The following EPHB1 variants were observed in gnomAD, a reference collection of about 807,000 sequenced individuals.
EPHB1 encodes EPH receptor B1.
Under a neutral mutation model 94.4 loss-of-function variants are expected in EPHB1, and 30 were observed. The observed-to-expected ratio is 0.32, with a 90% confidence interval of 0.24 to 0.43. The LOEUF is 0.43. Ranked by LOEUF, EPHB1 falls within the 20% of genes least tolerant of loss-of-function variation. EPHB1 has a pLI of 1.00. For missense variants in EPHB1, 1,055 were observed against 1,308.3 expected (o/e 0.81, Z 2.99); for synonymous variants, 522 against 489.1 (o/e 1.07, Z -0.89).
intron 1 of EPHB1, among the ~76,000 whole-genome samples, chr3:134,872,110 T>A (rs957696922): frequency 6.6e-6 from 1 of 152,228 alleles, no homozygotes; most frequent in African/African-American, 2.4e-5. Flanking sequence ...GTTTTCCCTC[T>A]GGTACATTCT....
intron 1 of EPHB1, among the ~76,000 whole-genome samples, chr3:134,815,882 C>G (rs969177068): frequency 2.0e-5 from 3 of 152,132 alleles, no homozygotes; most frequent in African/African-American, 7.2e-5. Flanking sequence ...TGCCACAGCC[C>G]CTGCCCCTAG....
intron 1 of EPHB1, among the ~76,000 whole-genome samples, chr3:134,813,836 A>C (rs2036219102): frequency 6.6e-6 from 1 of 152,236 alleles, no homozygotes; most frequent in Admixed American, 6.5e-5. Flanking sequence ...ACACATGACA[A>C]GGATGCAAAG....
In EPHB1 at chr3:134,955,376, C is replaced by T. The variant is rs1368513776; in HGVS notation, c.805+3324C>T. ...TGCGGTGTTTGGTTTTTTGTTCTTG[C>T]GATAGTTTACTGAGAATGATGGTTT... is the stretch of plus-strand genomic sequence containing the variant. On this transcript the variant is annotated intron_variant, in intron 3 of 15. Coordinates refer to ENST00000398015, the MANE Select transcript of EPHB1 (RefSeq NM_004441.5). 6.5e-4 allele frequency among the ~76,000 whole-genome samples: 41 copies of T among 62,720 alleles called. 1 individual carries two copies. Among genetic ancestry groups the T allele is most frequent in the Non-Finnish European group, 9.3e-4 (32 of 34,462 alleles). The allele number at this position is 62,720 out of a possible 152,430, so 41.1% of individuals were successfully genotyped here. A position where few individuals can be genotyped will look rare whatever the true frequency, so the allele number is the denominator to read the frequency against.
chr3:134,950,998 T>C (rs1489738734), intron 2 of EPHB1, among the ~76,000 whole-genome samples: 1 of 152,190 alleles, frequency 6.6e-6, no homozygotes, highest in Non-Finnish European at 1.5e-5. Flanking sequence ...AATCCACAGA[T>C]TGGCTTTTAG....
At chr3:134,872,860 C>T (rs2037531600) in intron 1 of EPHB1, among the ~76,000 whole-genome samples, 1 of 152,166 alleles carries the variant, frequency 6.6e-6, no homozygotes, top group Admixed American at 6.5e-5. Flanking sequence ...TCCCGGTATC[C>T]CTTGTCTAGT....
At chr3:134,828,521 A>G (rs2036526962) in intron 1 of EPHB1, among the ~76,000 whole-genome samples, 1 of 152,224 alleles carries the variant, frequency 6.6e-6, no homozygotes. Flanking sequence ...ATCATTTTAT[A>G]GATCAGGAAC....
chr3:135,170,130 C>A (rs1941764638), intron 9 of EPHB1, among the ~76,000 whole-genome samples: 4 of 152,322 alleles, frequency 2.6e-5, no homozygotes, highest in Admixed American at 2.0e-4. Flanking sequence ...TTCATTAATG[C>A]CTGAGAGAGC....
intron 1 of EPHB1, among the ~76,000 whole-genome samples, chr3:134,816,719 G>A (rs2036280408): frequency 6.6e-6 from 1 of 151,876 alleles, no homozygotes; most frequent in Admixed American, 6.6e-5. Context: ...TCTATTGCTG[G>A]TGTGTAGTCC....
intron 1 of EPHB1, among the ~76,000 whole-genome samples, chr3:134,854,371 C>G (rs1007449432): frequency 1.3e-5 from 2 of 152,102 alleles, no homozygotes; most frequent in African/African-American, 4.8e-5. Flanking sequence ...ATCCTCTAAA[C>G]TCTCCCTCTG....
At chr3:134,915,700 A>G (rs781283062) in intron 1 of EPHB1, among the ~76,000 whole-genome samples, 1 of 151,616 alleles carries the variant, frequency 6.6e-6, no homozygotes, top group Non-Finnish European at 1.5e-5. Context: ...AGACCTTCGC[A>G]GTGAGGGTTA....
At chr3:135,146,021 T>C (rs1940997407) in intron 5 of EPHB1, among the ~76,000 whole-genome samples, 1 of 152,224 alleles carries the variant, frequency 6.6e-6, no homozygotes, top group African/African-American at 2.4e-5. Flanking sequence ...GGTCCTTGCC[T>C]AAAGACTTTA....
chr3:135,251,396 C>T (rs114705746), intron 15 of EPHB1, among the ~76,000 whole-genome samples: 1,865 of 152,164 alleles, frequency 0.012, 38 homozygotes, highest in African/African-American at 0.042. Flanking sequence ...GATTTGACTG[C>T]GTATGGGGGC....
intron 3 of EPHB1, among the ~76,000 whole-genome samples, chr3:134,959,074 T>C (rs1200743675): frequency 6.6e-6 from 1 of 152,186 alleles, no homozygotes; most frequent in Non-Finnish European, 1.5e-5. Context: ...AACTTGGTCA[T>C]CCATGACTTA....
At chr3:135,069,809 C>G (rs1937643778) in intron 3 of EPHB1, among the ~76,000 whole-genome samples, 1 of 151,816 alleles carries the variant, frequency 6.6e-6, no homozygotes, top group South Asian at 2.1e-4. Context: ...CACTTGAGTC[C>G]CACCAATACA....
At chr3:135,153,602 C>G (rs1941260675) in intron 5 of EPHB1, among the ~76,000 whole-genome samples, 1 of 152,136 alleles carries the variant, frequency 6.6e-6, no homozygotes. Context: ...TTGAGAGATA[C>G]CTCCTCTCTT....
intron 2 of EPHB1, among the ~76,000 whole-genome samples, chr3:134,934,471 G>A (rs2038961817): frequency 6.6e-6 from 1 of 152,174 alleles, no homozygotes; most frequent in Non-Finnish European, 1.5e-5. Context: ...CAGGGGAGGA[G>A]AATTGGGCCA....
intron 3 of EPHB1, among the ~76,000 whole-genome samples, chr3:135,020,684 T>C (rs1218351664): frequency 2.6e-5 from 4 of 152,232 alleles, no homozygotes; most frequent in Non-Finnish European, 5.9e-5. Context: ...CCCTTTGTGA[T>C]CTACCCCTCC....
intron 12 of EPHB1, among the ~76,000 whole-genome samples, chr3:135,228,742 G>T (rs1357233774): frequency 7.4e-6 from 1 of 134,230 alleles, no homozygotes; most frequent in Non-Finnish European, 1.7e-5. Context: ...AGGGGTGACA[G>T]CGTGGGTGGG....
intron 15 of EPHB1, among the ~76,000 whole-genome samples, chr3:135,255,596 T>C (rs1351855371): frequency 2.0e-5 from 3 of 148,914 alleles, no homozygotes; most frequent in East Asian, 2.0e-4. Flanking sequence ...TTGTTATAAT[T>C]TCTGTTCTTT....
Sources: allele counts gnomAD v4.1 joint callset (sites outside exome capture counted in the v4.1 genomes callset), GRCh38; gene constraint gnomAD v4.1.1; transcripts MANE v1.5; gene names NCBI Gene and HGNC (gene_info 2026-07-23, HGNC 2026-07-21).